The following CNBD1 variants were observed in gnomAD, a reference collection of about 807,000 sequenced individuals.
CNBD1 encodes cyclic nucleotide-binding domain-containing protein 1.
CNBD1 carries 71 observed loss-of-function variants against 54.4 expected under a neutral mutation model. That is an observed-to-expected ratio of 1.30 (90% CI 1.08 to 1.59). The LOEUF (loss-of-function observed/expected upper bound fraction) is 1.59. Ranked by LOEUF, CNBD1 falls within the 40% of genes most tolerant of loss-of-function variation. CNBD1 has a pLI of 0.00. For missense variants in CNBD1, 659 were observed against 518.0 expected (o/e 1.27, Z -2.64); for synonymous variants, 182 against 170.7 (o/e 1.07, Z -0.51).
chr8:87,172,884 G>A (rs1586306192), intron 4 of CNBD1, among the ~76,000 whole-genome samples: 1 of 151,878 alleles, frequency 6.6e-6, no homozygotes, highest in Non-Finnish European at 1.5e-5. Flanking sequence ...TGTTATTATT[G>A]ATAACTAAGG....
intron 6 of CNBD1, among the ~76,000 whole-genome samples, chr8:87,266,316 T>G (rs1808256385): frequency 6.6e-6 from 1 of 150,902 alleles, no homozygotes; most frequent in South Asian, 2.1e-4. Flanking sequence ...GCTTTTCCTA[T>G]TAGGTATAAA....
At chr8:87,355,412 C>T (rs978886217) in intron 10 of CNBD1, among the ~76,000 whole-genome samples, 1 of 152,004 alleles carries the variant, frequency 6.6e-6, no homozygotes, top group Non-Finnish European at 1.5e-5. Context: ...TAAGATCAAG[C>T]ATATATGAAA....
In CNBD1 at chr8:87,166,166, A is replaced by AT. The variant is rs1215686935; in HGVS notation, c.432-39826dup. 5.9e-5 allele frequency among the ~76,000 whole-genome samples: 9 copies of AT among 151,880 alleles called. No homozygotes were observed. Among genetic ancestry groups the AT allele is most frequent in the African/African-American group, 2.2e-4 (9 of 41,392 alleles). Reference sequence around the variant, plus strand: ...GTTCTTTTTCCCTTCCTCTCTCTCAATAAATGAGACTAGGAATTATCCAGA... The same window carrying AT: ...GTTCTTTTTCCCTTCCTCTCTCTCAATTAAATGAGACTAGGAATTATCCAGA... On this transcript the variant is annotated intron_variant, in intron 4 of 10. Coordinates refer to ENST00000518476, the MANE Select transcript of CNBD1 (RefSeq NM_173538.3). This position sits in a 1 kb window ranked among gnomAD's most constrained non-coding sequence, Gnocchi z 4.3.
At position 86,971,887 on chromosome 8, in the gene CNBD1, G is replaced by A. The variant is rs530877344; in HGVS notation, c.431+32133G>A. The stretch of plus-strand genomic sequence containing the variant: ...TTTTTAAGTAAACAATGCAATCTGG[G>A]AATAATTATCATTTTATCTCTCACA... On this transcript the variant is annotated intron_variant, in intron 4 of 10. Transcript: ENST00000518476. 1.0e-3 allele frequency among the ~76,000 whole-genome samples: 155 copies of A among 151,800 alleles called. 1 individual carries two copies. Among genetic ancestry groups the A allele is most frequent in the Non-Finnish European group, 1.7e-3 (117 of 67,910 alleles).
At chr8:87,028,268 C>T (rs1809700078) in intron 4 of CNBD1, among the ~76,000 whole-genome samples, 2 of 152,164 alleles carry the variant, frequency 1.3e-5, no homozygotes, top group Non-Finnish European at 2.9e-5. Context: ...TCTTCTGAGG[C>T]AATCAGGAAT....
At chr8:87,263,964 T>A (rs1411430554) in intron 6 of CNBD1, among the ~76,000 whole-genome samples, 1 of 152,168 alleles carries the variant, frequency 6.6e-6, no homozygotes, top group Non-Finnish European at 1.5e-5. Flanking sequence ...AAAATATCAC[T>A]GTTACTTTAT....
Position 86,943,109 on chromosome 8 carries a change from G to A in CNBD1, c.431+3355G>A, listed in dbSNP as rs147028366. On this transcript the variant is annotated intron_variant, in intron 4 of 10. Transcript: ENST00000518476. ...CTTTTTAAATAAATGCAGGCTGGGCGCAGTGGCTCACACCTGTAATCCCAG... is the reference window on the plus strand; with the variant it reads ...CTTTTTAAATAAATGCAGGCTGGGCACAGTGGCTCACACCTGTAATCCCAG... 2.0e-3 allele frequency among the ~76,000 whole-genome samples: 302 copies of A among 151,488 alleles called. 1 individual carries two copies. The highest frequency in any genetic ancestry group is 6.9e-3 in the African/African-American group (286 of 41,354).
intron 2 of CNBD1, among the ~76,000 whole-genome samples, chr8:87,422,951 G>A (rs1321945435): frequency 1.3e-5 from 2 of 151,712 alleles, no homozygotes; most frequent in Non-Finnish European, 2.9e-5. Flanking sequence ...TTATTTCCTT[G>A]AGCAGCGGTT....
At chr8:87,172,130 A>T (rs1195451508) in intron 4 of CNBD1, among the ~76,000 whole-genome samples, 1 of 151,980 alleles carries the variant, frequency 6.6e-6, no homozygotes, top group East Asian at 1.9e-4. Flanking sequence ...GTGTTTGTAT[A>T]GTTTCCAAAA....
At chr8:86,980,526 T>A (rs1341295597) in intron 4 of CNBD1, among the ~76,000 whole-genome samples, 2 of 152,214 alleles carry the variant, frequency 1.3e-5, no homozygotes, top group African/African-American at 4.8e-5. Flanking sequence ...CACAGTTTGA[T>A]AGAGTTTATT....
rs191009966 is a variant in CNBD1, at chr8:87,270,493, A to T, written c.772-14185A>T. Reference sequence around the variant, plus strand: ...TCTGGCAAGATTGTGAGAAAAATGGAACACTTATACATTTTTGGTTGGGAG... The same window carrying T: ...TCTGGCAAGATTGTGAGAAAAATGGTACACTTATACATTTTTGGTTGGGAG... On this transcript the variant is annotated intron_variant, in intron 6 of 10. Transcript: ENST00000518476. Among the ~76,000 whole-genome samples the T allele has an allele frequency of 6.5e-4, 99 of 152,104 alleles. 1 individual carries two copies. The highest frequency in any genetic ancestry group is 9.9e-4 in the Non-Finnish European group (67 of 67,920).
downstream of CNBD1, among the ~76,000 whole-genome samples, chr8:87,386,938 G>A (rs987258721): frequency 2.0e-5 from 3 of 152,220 alleles, no homozygotes; most frequent in East Asian, 5.8e-4. Context: ...CCAGAAGAGA[G>A]TGGGGGCCAA....
At chr8:86,973,938 G>A (rs1808281314) in intron 4 of CNBD1, among the ~76,000 whole-genome samples, 4 of 151,900 alleles carry the variant, frequency 2.6e-5, no homozygotes, top group Admixed American at 2.6e-4. Context: ...AAAGAGTAAG[G>A]CATTAATAAA....
intron 9 of CNBD1, among the ~76,000 whole-genome samples, chr8:87,352,563 A>G (rs1217805301): frequency 6.6e-6 from 1 of 152,112 alleles, no homozygotes; most frequent in African/African-American, 2.4e-5. Context: ...TTGAATGAAT[A>G]GAAATGTTAC....
intron 1 of CNBD1, among the ~76,000 whole-genome samples, chr8:86,886,261 T>G (rs1009432635): frequency 9.2e-5 from 14 of 152,186 alleles, no homozygotes; most frequent in Non-Finnish European, 1.9e-4. Flanking sequence ...ATTACTAGAC[T>G]AAAAGGTAGT....
intron 5 of CNBD1, 40 bp from the exon 6 acceptor site, chr8:87,236,879 T>C: frequency 7.7e-7 from 1 of 1,305,212 alleles, no homozygotes. Flanking sequence ...TCAAGGAGCC[T>C]GAGCACACAG....
chr8:87,304,317 T>A (rs1809090543), intron 8 of CNBD1, among the ~76,000 whole-genome samples: 1 of 152,164 alleles, frequency 6.6e-6, no homozygotes. Flanking sequence ...TAAAAAATGA[T>A]GAGTTCATGT....
chr8:87,311,599 A>G (rs1809267717), intron 8 of CNBD1, among the ~76,000 whole-genome samples: 1 of 152,144 alleles, frequency 6.6e-6, no homozygotes, highest in African/African-American at 2.4e-5. Context: ...TATTGAGTAT[A>G]TATCTAAAAT....
chr8:87,285,778 G>A (rs1054362130), intron 7 of CNBD1, among the ~76,000 whole-genome samples: 1 of 152,214 alleles, frequency 6.6e-6, no homozygotes, highest in African/African-American at 2.4e-5. Flanking sequence ...GCTGAGGCAG[G>A]AGAATTGCTT....
Sources: gnomAD v4.1 joint callset for allele counts (sites outside exome capture counted in the v4.1 genomes callset) on GRCh38, gnomAD v4.1.1 for gene constraint, Gnocchi (gnomAD v3.1) non-coding constraint, MANE v1.5 for transcripts, NCBI Gene and HGNC (gene_info 2026-07-23, HGNC 2026-07-21) for gene names.